Variants in MED12L observed in about 807,000 individuals in gnomAD.
MED12L encodes the protein mediator of RNA polymerase II transcription subunit 12-like protein.
A neutral mutation model predicts 281.3 loss-of-function variants in MED12L; 60 were observed. That is an observed-to-expected ratio of 0.21 (90% CI 0.17 to 0.26). The LOEUF (loss-of-function observed/expected upper bound fraction) is 0.26, where lower values mean the gene tolerates loss of function less well. Among genes scored for constraint, MED12L ranks in the 10% least tolerant of loss-of-function variants. The pLI is 1.00. For synonymous variants in MED12L, 974 were observed against 987.2 expected, an observed-to-expected ratio of 0.99 and a Z score of 0.25; for missense variants, 2,146 against 2,680.9, an observed-to-expected ratio of 0.80 and a Z score of 4.41.
intron 2 of MED12L, among the ~76,000 whole-genome samples, chr3:151,114,830 T>G (rs1482605615): frequency 6.6e-6 from 1 of 152,092 alleles, no homozygotes; most frequent in Non-Finnish European, 1.5e-5. Flanking sequence ...TTCCTGTATC[T>G]ATCCAGTAGG....
chr3:151,385,695 A>T (rs974998147), intron 36 of MED12L, among the ~76,000 whole-genome samples: 3 of 149,436 alleles, frequency 2.0e-5, no homozygotes, highest in Non-Finnish European at 3.0e-5. Context: ...CCTGGGCAAC[A>T]AAGTGAGACC....
chr3:151,362,618 C>T (rs915454454), intron 21 of MED12L, among the ~76,000 whole-genome samples: 10 of 152,052 alleles, frequency 6.6e-5, no homozygotes, highest in African/African-American at 2.2e-4. Flanking sequence ...CCTGGCTCCT[C>T]CTTAGAATGT....
At chr3:151,174,865 C>A (rs1721853490) in intron 11 of MED12L, among the ~76,000 whole-genome samples, 1 of 151,750 alleles carries the variant, frequency 6.6e-6, no homozygotes, top group African/African-American at 2.4e-5. Context: ...CGCCACACAC[C>A]CGGCTAATTA....
At chr3:151,228,797 G>T (rs1026520640) in intron 16 of MED12L, among the ~76,000 whole-genome samples, 26 of 152,118 alleles carry the variant, frequency 1.7e-4, no homozygotes, top group Non-Finnish European at 2.8e-4. Context: ...TTTTCTCCTG[G>T]AACTAGGTTG....
At chr3:151,392,642 C>T (rs1166086709) in intron 38 of MED12L, among the ~76,000 whole-genome samples, 5 of 152,112 alleles carry the variant, frequency 3.3e-5, no homozygotes, top group African/African-American at 9.6e-5. Flanking sequence ...GCAAAACAAT[C>T]TCCCACCATC....
chr3:151,264,528 A>G (rs1384051644), intron 16 of MED12L, among the ~76,000 whole-genome samples: 1 of 152,254 alleles, frequency 6.6e-6, no homozygotes, highest in African/African-American at 2.4e-5. Flanking sequence ...TAAGATAACC[A>G]TAACCCAGTA....
intron 16 of MED12L, among the ~76,000 whole-genome samples, chr3:151,217,229 T>C (rs1728413526): frequency 6.6e-6 from 1 of 152,150 alleles, no homozygotes; most frequent in South Asian, 2.1e-4. Flanking sequence ...ATCCCAGAAA[T>C]GATTTAATGA....
At chr3:151,202,021 T>C (rs1005392317) in intron 16 of MED12L, among the ~76,000 whole-genome samples, 1 of 152,238 alleles carries the variant, frequency 6.6e-6, no homozygotes, top group East Asian at 1.9e-4. Flanking sequence ...TAGCTAGAAC[T>C]GACGATATAT....
At chr3:151,104,978 C>T (rs543075019) in intron 2 of MED12L, among the ~76,000 whole-genome samples, 1 of 152,284 alleles carries the variant, frequency 6.6e-6, no homozygotes, top group East Asian at 1.9e-4. Flanking sequence ...TGGTCCTATC[C>T]ACAGAAACCC....
At chr3:151,406,021 C>T (rs766890650) in intron 39 of MED12L, among the ~76,000 whole-genome samples, 2 of 152,158 alleles carry the variant, frequency 1.3e-5, no homozygotes, top group Non-Finnish European at 2.9e-5. Flanking sequence ...GTGCTAGGCA[C>T]TAATTAAAAA....
intron 5 of MED12L, among the ~76,000 whole-genome samples, chr3:151,153,957 A>G (rs1217923346): frequency 6.6e-6 from 1 of 152,146 alleles, no homozygotes; most frequent in Non-Finnish European, 1.5e-5. Context: ...AGGCAGTGGT[A>G]TTTGTTAAAA....
chr3:151,220,369 C>G (rs1342568705), intron 16 of MED12L, among the ~76,000 whole-genome samples: 1 of 152,032 alleles, frequency 6.6e-6, no homozygotes, highest in Admixed American at 6.6e-5. Flanking sequence ...ATTCTTTAAA[C>G]CAGTGAGTGC....
chr3:151,141,178 G>GTTTTTTTGTTTTT (rs1553808457), intron 5 of MED12L, among the ~76,000 whole-genome samples: 21 of 102,168 alleles, frequency 2.1e-4, no homozygotes, highest in Admixed American at 3.0e-4. Flanking sequence ...TTTTTTTTTT[G>GTTTTTTTGTTTTT]TTTTTTTTGT....
chr3:151,297,098 A>G (rs1269684371), intron 16 of MED12L, among the ~76,000 whole-genome samples: 1 of 152,170 alleles, frequency 6.6e-6, no homozygotes, highest in Non-Finnish European at 1.5e-5. Flanking sequence ...TACACAGGCT[A>G]GTAATTTATA....
chr3:151,384,322 C>T, intron 35 of MED12L, 104 bp downstream of exon 35: 1 of 1,189,544 alleles, frequency 8.4e-7, no homozygotes, highest in Non-Finnish European at 1.1e-6. Context: ...TTGTATTCAA[C>T]TTAATTTAAT....
At chr3:151,402,143 C>G (rs1715763730) in intron 39 of MED12L, among the ~76,000 whole-genome samples, 1 of 152,142 alleles carries the variant, frequency 6.6e-6, no homozygotes, top group South Asian at 2.1e-4. Flanking sequence ...CCTATACTTT[C>G]CAATCCTCAG....
At chr3:151,117,210 G>A (rs949214669) in intron 3 of MED12L, among the ~76,000 whole-genome samples, 35 of 151,540 alleles carry the variant, frequency 2.3e-4, no homozygotes, top group African/African-American at 7.5e-4. Context: ...GTTATAATCC[G>A]TACCTTCATT....
At chr3:151,294,651 A>G in intron 16 of MED12L, 1 of 1,614,070 alleles carries the variant, frequency 6.2e-7, no homozygotes, top group Non-Finnish European at 8.5e-7. Flanking sequence ...TTGACCCCCA[A>G]AGGACTTTTA....
intron 43 of MED12L, chr3:151,425,840 C>T (rs1261353177): frequency 9.3e-6 from 4 of 429,930 alleles, no homozygotes; most frequent in Admixed American, 7.3e-5. Context: ...TCTTTAAATG[C>T]GTGAGGGAAT....
Sources: allele counts gnomAD v4.1 joint callset (sites outside exome capture counted in the v4.1 genomes callset), GRCh38; gene constraint gnomAD v4.1.1; transcripts MANE v1.5; gene names NCBI Gene and HGNC (gene_info 2026-07-23, HGNC 2026-07-21).